The following HTR3E variants were observed in gnomAD, a reference collection of about 807,000 sequenced individuals.
The protein encoded by HTR3E is 5-hydroxytryptamine receptor 3E.
HTR3E carries 38 observed loss-of-function variants against 38.0 expected under a neutral mutation model. The ratio of observed to expected loss-of-function variants is 1.00; its 90% confidence interval spans 0.77 to 1.31. HTR3E has a LOEUF of 1.31. Ranked by LOEUF, HTR3E falls within the 50% of genes most tolerant of loss-of-function variation. The probability of loss-of-function intolerance (pLI) is 0.00; values close to 1 mark genes in which losing one functional copy is unlikely to be tolerated. For synonymous variants in HTR3E, 210 were observed against 232.9 expected (o/e 0.90, Z 0.89); for missense variants, 547 against 585.2 (o/e 0.93, Z 0.67).
intron 2 of HTR3E, 66 bp from the exon 3 acceptor site, chr3:184,101,419 G>A: frequency 7.6e-7 from 1 of 1,319,378 alleles, no homozygotes; most frequent in Non-Finnish European, 1.1e-6. Flanking sequence ...ACAAGCATGG[G>A]AAGTGGGGGA....
chr3:184,106,699 T>C lies in HTR3E; in HGVS notation c.*6T>C, dbSNP rs148303038. On this transcript the variant is annotated 3_prime_UTR_variant, in exon 9 of 9. Transcript: ENST00000415389. This position sits in a 1 kb window ranked among gnomAD's most constrained non-coding sequence, Gnocchi z 4.1. ...TATGCCTCTGGAACACCTAGGCAGG[T>C]GCTCACCTGCCAACTTCAGTCTGGA... 54 of 1,613,654 alleles carry C rather than the reference T, an allele frequency of 3.3e-5. No individual in the cohort carries two copies. In the African/African-American group the frequency reaches 6.8e-4, roughly 20 times the overall value.
At chr3:184,099,579 T>A (rs1169319683) in intron 1 of HTR3E, among the ~76,000 whole-genome samples, 7 of 150,462 alleles carry the variant, frequency 4.7e-5, no homozygotes. Flanking sequence ...CCGGGCGCGG[T>A]GGCGGGCGCC....
In HTR3E at chr3:184,097,607, A is replaced by G; in HGVS notation, c.67+11A>G. 18 of 1,532,320 alleles carry G rather than the reference A, an allele frequency of 1.2e-5. No individual in the cohort carries two copies. The highest frequency in any genetic ancestry group is 1.5e-5 in the Non-Finnish European group (17 of 1,143,498). The allele number at this position is 1,532,320 out of a possible 1,614,324, so 94.9% of individuals were successfully genotyped here. A position where few individuals can be genotyped will look rare whatever the true frequency, so the allele number is the denominator to read the frequency against. On this transcript the variant is annotated intron_variant, in intron 1 of 8. Transcript: ENST00000415389. ...GTTTTCTGCTTCAAGGTAAGAAAGG[A>G]GCAATGATGGGGGAAGGCGGAAGAA...
chr3:184,101,584 C>T (rs924034488), intron 3 of HTR3E, 55 bp downstream of exon 3: 24 of 1,374,304 alleles, frequency 1.7e-5, no homozygotes, highest in Admixed American at 5.1e-5. Context: ...GGATTTTAAA[C>T]GAAGATATAA....
chr3:184,097,541 C>T lies in HTR3E; in HGVS notation c.12C>T (p.Ser4=), dbSNP rs1163710029. The T allele has an allele frequency of 7.2e-6, 11 of 1,535,674 alleles. No individual in the cohort carries two copies. The highest frequency in any genetic ancestry group is 3.9e-5 in the Admixed American group (2 of 50,968). Residue 4 remains serine, a synonymous_variant, in exon 1 of 9, where the codon AGC becomes AGT. Transcript: ENST00000415389. The part of the protein sequence containing the change: MEG[S]WFHRKRFSFY... The stretch of plus-strand genomic sequence containing the variant: ...CTTAGACAAAGAAGATGGAAGGAAG[C>T]TGGTTCCACAGGAAAAGATTTTCCT...
At position 184,098,510 on chromosome 3, in the gene HTR3E, T is replaced by C. The variant is rs189957549; in HGVS notation, c.67+914T>C. 7.9e-5 allele frequency among the ~76,000 whole-genome samples: 12 copies of C among 152,316 alleles called. No homozygotes were observed. In the East Asian group the frequency reaches 2.1e-3, roughly 27 times the overall value. Reference sequence around the variant, plus strand: ...AGGGAAGAGACACAAATTGTACACCTGGTCTAGGCAGTGTAAATGGTTATG... The same window carrying C: ...AGGGAAGAGACACAAATTGTACACCCGGTCTAGGCAGTGTAAATGGTTATG... On this transcript the variant is annotated intron_variant, in intron 1 of 8. Coordinates refer to ENST00000415389, the MANE Select transcript of HTR3E (RefSeq NM_001256613.2).
intron 1 of HTR3E, among the ~76,000 whole-genome samples, chr3:184,099,739 A>ACAAAAAAAAAC: frequency 8.8e-6 from 1 of 113,096 alleles, no homozygotes; most frequent in African/African-American, 3.7e-5. Context: ...AAAAAAAAAA[A>ACAAAAAAAAAC]AGAAAGAAAT....
At chr3:184,099,062 A>G (rs1448678296) in intron 1 of HTR3E, among the ~76,000 whole-genome samples, 1 of 151,410 alleles carries the variant, frequency 6.6e-6, no homozygotes, top group African/African-American at 2.4e-5. Context: ...TAAAAATTTA[A>G]AAAAGAAATT....
At position 184,105,267 on chromosome 3, in the gene HTR3E, T is replaced by C. The variant is rs763705873; in HGVS notation, c.560T>C (p.Val187Ala). Reference protein sequence around the residue: ...TLTFSSFLYTVDSMLLDMEKE... With the variant: ...TLTFSSFLYTADSMLLDMEKE... ...TGATTCAGATGGTTCTCATTTTCAG[T>C]GGACAGCATGTTGCTGGACATGGAG... Residue 187 changes from valine (V) to alanine (A), a missense_variant and splice_region_variant, in exon 6 of 9, where the codon GTG (valine) becomes GCG (alanine). Val to Ala is a moderately conservative substitution (Grantham distance 64). Coordinates refer to ENST00000415389, the MANE Select transcript of HTR3E (RefSeq NM_001256613.2). 8.1e-6 allele frequency: 13 copies of C among 1,605,104 alleles called. No homozygotes were observed. The highest frequency in any genetic ancestry group is 5.4e-5 in the African/African-American group (4 of 74,496).
At chr3:184,104,462 T>C (rs906616200) in intron 4 of HTR3E, 171 bp downstream of exon 4, 1 of 1,055,080 alleles carries the variant, frequency 9.5e-7, no homozygotes, top group African/African-American at 1.7e-5. Context: ...TCCCAGCACT[T>C]TGGGAGGCCA....
chr3:184,102,752 C>A (rs1414806816), intron 3 of HTR3E, among the ~76,000 whole-genome samples: 5 of 151,790 alleles, frequency 3.3e-5, no homozygotes, highest in Non-Finnish European at 7.4e-5. Flanking sequence ...TGGTGAAACA[C>A]CGTCTCTACT....
At chr3:184,101,636 A>G (rs1009053209) in intron 3 of HTR3E, 107 bp downstream of exon 3, 122 of 927,848 alleles carry the variant, frequency 1.3e-4, no homozygotes, top group East Asian at 7.7e-4. Context: ...TTTGAAACAC[A>G]TGAAGGAGAA....
chr3:184,104,505 A>T, intron 4 of HTR3E: 1 of 573,894 alleles, frequency 1.7e-6, no homozygotes, highest in Non-Finnish European at 2.8e-6. Context: ...CAGGAGTTTG[A>T]GACCAGCCTG....
rs778962144 is a variant in HTR3E at position 184,106,267 on chromosome 3, C to T, written c.1065C>T (p.Asn355=). The T allele has an allele frequency of 1.9e-6, 3 of 1,613,194 alleles. No homozygotes were observed. In the Admixed American group the frequency reaches 5.0e-5, roughly 27 times the overall value. The part of the protein sequence containing the change: ...RWLHSLLLHC[N]SPGRCCPTAP... ...TCCACTCCCTGCTGCTCCACTGCAA[C>T]AGCCCGGGGAGATGCTGTCCCACTG... is the stretch of plus-strand genomic sequence containing the variant. Residue 355 remains asparagine, a synonymous_variant, in exon 8 of 9, where the codon AAC becomes AAT. Coordinates refer to ENST00000415389, the MANE Select transcript of HTR3E (RefSeq NM_001256613.2). This position sits in a 1 kb window ranked among gnomAD's most constrained non-coding sequence, Gnocchi z 4.1.
In HTR3E at chr3:184,106,676, T is replaced by A; in HGVS notation, c.1354T>A (p.Cys452Ser). 6.2e-7 allele frequency: 1 copy of A among 1,614,180 alleles called. No individual in the cohort carries two copies. The highest frequency in any genetic ancestry group is 8.5e-7 in the Non-Finnish European group (1 of 1,180,016). The change falls in exon 9 of 9, where the codon TGC becomes AGC. Residue 452 changes from cysteine to serine, a missense_variant. Transcript: ENST00000415389. The surrounding 1 kb of genome is among the most constrained non-coding windows in gnomAD (Gnocchi z 4.1). Reference sequence around the variant, plus strand: ...GGCCTCCTCTATCATCACCGTCATATGCCTCTGGAACACCTAGGCAGGTGC... The same window carrying A: ...GGCCTCCTCTATCATCACCGTCATAAGCCTCTGGAACACCTAGGCAGGTGC... ...FMASSIITVICLWNT is the reference protein window; with the variant it reads ...FMASSIITVISLWNT
Position 184,104,539 on chromosome 3 carries a change from CT to C in HTR3E, c.390-246del, listed in dbSNP as rs1183599338. On this transcript the variant is annotated intron_variant, in intron 4 of 8. Coordinates refer to ENST00000415389, the MANE Select transcript of HTR3E (RefSeq NM_001256613.2). ...TGGGCAACATGGTGAAACCTCATCT[CT>C]TAAAAAAAAAAAAAAAAAAAAAATT... 5.1e-5 allele frequency among the ~76,000 whole-genome samples: 6 copies of C among 116,518 alleles called. No homozygotes were observed. In the Admixed American group the frequency reaches 5.6e-4, roughly 11 times the overall value. The allele number at this position is 116,518 out of a possible 152,430, so 76.4% of individuals were successfully genotyped here.
chr3:184,106,920 TC>T lies in HTR3E; in HGVS notation c.*230del, dbSNP rs1577016122. On this transcript the variant is annotated 3_prime_UTR_variant, in exon 9 of 9. Coordinates refer to ENST00000415389, the MANE Select transcript of HTR3E (RefSeq NM_001256613.2). The surrounding 1 kb of genome is among the most constrained non-coding windows in gnomAD (Gnocchi z 4.1). Reference sequence around the variant, plus strand: ...TTCAGTCCTACCATATGGTTCTAGGTCCCTCTTACGTCATCTGCATAGCAGA... The same window carrying T: ...TTCAGTCCTACCATATGGTTCTAGGTCCTCTTACGTCATCTGCATAGCAGA... The T allele has an allele frequency of 3.5e-6, 2 of 579,652 alleles. No homozygotes were observed. The highest frequency in any genetic ancestry group is 3.1e-5 in the Admixed American group (1 of 32,482). 35.9% of individuals were successfully genotyped at this position (579,652 alleles called of 1,614,324 possible). A position where few individuals can be genotyped will look rare whatever the true frequency, so the allele number is the denominator to read the frequency against.
At position 184,106,353 on chromosome 3, in the gene HTR3E, G is replaced by A; in HGVS notation, c.1141+10G>A. 6.2e-7 allele frequency: 1 copy of A among 1,602,386 alleles called. No individual in the cohort carries two copies. Among genetic ancestry groups the A allele is most frequent in the Non-Finnish European group, 8.5e-7 (1 of 1,174,398 alleles). Reference sequence around the variant, plus strand: ...CCCACCCACCTGCCCGGTGAGGGAAGTCACATTCCTCTTCCCCCACCTCCA... The same window carrying A: ...CCCACCCACCTGCCCGGTGAGGGAAATCACATTCCTCTTCCCCCACCTCCA... On this transcript the variant is annotated intron_variant, in intron 8 of 8. Coordinates refer to ENST00000415389, the MANE Select transcript of HTR3E (RefSeq NM_001256613.2). The surrounding 1 kb of genome is among the most constrained non-coding windows in gnomAD (Gnocchi z 4.1).
chr3:184,098,465 G>A (rs1266927095), intron 1 of HTR3E, among the ~76,000 whole-genome samples: 4 of 152,180 alleles, frequency 2.6e-5, no homozygotes, highest in African/African-American at 9.6e-5. Flanking sequence ...TGAACCAGAG[G>A]TGACTTTAAA....
Sources: gnomAD v4.1 joint callset for allele counts (sites outside exome capture counted in the v4.1 genomes callset) on GRCh38, gnomAD v4.1.1 for gene constraint, Gnocchi (gnomAD v3.1) non-coding constraint, MANE v1.5 for transcripts, NCBI Gene and HGNC (gene_info 2026-07-23, HGNC 2026-07-21) for gene names.